Variants in SLIT2 observed in about 807,000 individuals in gnomAD.
SLIT2 encodes slit guidance ligand 2.
A neutral mutation model predicts 185.7 loss-of-function variants in SLIT2; 41 were observed. The ratio of observed to expected loss-of-function variants is 0.22; its 90% confidence interval spans 0.17 to 0.29. The LOEUF (loss-of-function observed/expected upper bound fraction) is 0.29, where lower values mean the gene tolerates loss of function less well. SLIT2 is among the 10% of genes least tolerant of loss of function. The probability of loss-of-function intolerance (pLI) is 1.00; values close to 1 mark genes in which losing one functional copy is unlikely to be tolerated. For missense variants in SLIT2, 1,571 were observed against 1,909.0 expected (o/e 0.82, Z 3.30); for synonymous variants, 693 against 680.2 (o/e 1.02, Z -0.29).
At chr4:20,437,914 C>CAAAAAAAAAAA (rs1224604666) in intron 4 of SLIT2, among the ~76,000 whole-genome samples, 1 of 65,610 alleles carries the variant, frequency 1.5e-5, no homozygotes, top group Non-Finnish European at 2.8e-5. Context: ...GACTCCGTCT[C>CAAAAAAAAAAA]AAAAAAAAAA....
chr4:20,312,878 CT>C (rs1269662509), intron 4 of SLIT2, among the ~76,000 whole-genome samples: 4 of 149,378 alleles, frequency 2.7e-5, no homozygotes, highest in African/African-American at 7.4e-5. Flanking sequence ...AATAGATTTT[CT>C]TGCTCTTATT....
intron 4 of SLIT2, among the ~76,000 whole-genome samples, chr4:20,339,205 A>G (rs939239958): frequency 1.3e-5 from 2 of 152,132 alleles, no homozygotes. Flanking sequence ...TGAAAAGGTA[A>G]TAACCAACTC....
chr4:20,349,030 T>C (rs1304373841), intron 4 of SLIT2, among the ~76,000 whole-genome samples: 1 of 152,192 alleles, frequency 6.6e-6, no homozygotes, highest in Non-Finnish European at 1.5e-5. Flanking sequence ...CTGAGGTGCT[T>C]GGACTGGTAA....
rs536132509 is a variant in SLIT2, at chr4:20,325,156, C to T, written c.395+56275C>T. On this transcript the variant is annotated intron_variant, in intron 4 of 36. Coordinates refer to ENST00000504154, the MANE Select transcript of SLIT2 (RefSeq NM_004787.4). ...TGTCCTTCCTCTGCTTTTTTCTACC[C>T]TCATCTTATCTTTCGCCATATACAA... 4.9e-4 allele frequency among the ~76,000 whole-genome samples: 74 copies of T among 151,678 alleles called. No homozygotes were observed. In the South Asian group the frequency reaches 0.014, roughly 29 times the overall value.
At chr4:20,494,983 G>A (rs1188348830) in intron 9 of SLIT2, among the ~76,000 whole-genome samples, 1 of 152,052 alleles carries the variant, frequency 6.6e-6, no homozygotes, top group Non-Finnish European at 1.5e-5. Context: ...TAATAAGTAA[G>A]GGAGGAAGAG....
intron 4 of SLIT2, among the ~76,000 whole-genome samples, chr4:20,374,584 C>T (rs887266661): frequency 3.9e-5 from 6 of 151,984 alleles, no homozygotes; most frequent in Non-Finnish European, 5.9e-5. Flanking sequence ...TAGCCTACTC[C>T]TTCAACTTTC....
At chr4:20,263,307 G>A (rs1446615194) in intron 3 of SLIT2, among the ~76,000 whole-genome samples, 3 of 141,078 alleles carry the variant, frequency 2.1e-5, no homozygotes, top group Non-Finnish European at 4.9e-5. Context: ...TTGATAATAG[G>A]GCTGTGATTT....
chr4:20,321,566 G>C (rs1577428046), intron 4 of SLIT2, among the ~76,000 whole-genome samples: 1 of 152,160 alleles, frequency 6.6e-6, no homozygotes, highest in Non-Finnish European at 1.5e-5. Flanking sequence ...GCTCAATGAG[G>C]CTGCAGAAAT....
chr4:20,517,165 A>T (rs567329266), intron 11 of SLIT2, among the ~76,000 whole-genome samples: 1 of 152,020 alleles, frequency 6.6e-6, no homozygotes, highest in Non-Finnish European at 1.5e-5. Context: ...ACAATATCAG[A>T]CTCTTTGACT....
At chr4:20,393,866 G>A (rs1176407130) in intron 4 of SLIT2, among the ~76,000 whole-genome samples, 1 of 152,002 alleles carries the variant, frequency 6.6e-6, no homozygotes, top group Non-Finnish European at 1.5e-5. Context: ...TGTGAGCCAC[G>A]TGCATTAACA....
intron 4 of SLIT2, among the ~76,000 whole-genome samples, chr4:20,466,526 A>G (rs2148740819): frequency 6.6e-6 from 1 of 152,272 alleles, no homozygotes; most frequent in Middle Eastern, 3.4e-3. Flanking sequence ...AACATTGAGG[A>G]TATTGAGATA....
At chr4:20,572,604 A>T (rs944109384) in intron 29 of SLIT2, among the ~76,000 whole-genome samples, 30 of 152,088 alleles carry the variant, frequency 2.0e-4, no homozygotes, top group Non-Finnish European at 3.7e-4. Context: ...CTGTTTTTTT[A>T]AAAAATGGAC....
At chr4:20,483,178 C>T (rs902071159) in intron 6 of SLIT2, among the ~76,000 whole-genome samples, 3 of 151,850 alleles carry the variant, frequency 2.0e-5, no homozygotes, top group African/African-American at 4.8e-5. Context: ...ATTCCTTGAG[C>T]CATTTGTGAA....
intron 4 of SLIT2, among the ~76,000 whole-genome samples, chr4:20,312,426 A>G (rs1718192478): frequency 6.6e-6 from 1 of 152,192 alleles, no homozygotes; most frequent in Non-Finnish European, 1.5e-5. Flanking sequence ...AATAATTCAT[A>G]TTGATAAAGT....
chr4:20,503,511 A>T (rs1345650160), intron 9 of SLIT2, among the ~76,000 whole-genome samples: 1 of 152,008 alleles, frequency 6.6e-6, no homozygotes, highest in Non-Finnish European at 1.5e-5. Context: ...AAACATAATG[A>T]TAGTGACATA....
In SLIT2 at chr4:20,603,156, C is replaced by T. The variant is rs555896364; in HGVS notation, c.3692+4761C>T. On this transcript the variant is annotated intron_variant, in intron 33 of 36. Coordinates refer to ENST00000504154, the MANE Select transcript of SLIT2 (RefSeq NM_004787.4). ...GAGGCCTCACAATCATAGCAGAAGG[C>T]GAAAGGAATGTCTTACATGGTGGCA... Among the ~76,000 whole-genome samples, 45 of 152,088 alleles carry T rather than the reference C, an allele frequency of 3.0e-4. 1 individual carries two copies. Among genetic ancestry groups the T allele is most frequent in the South Asian group, 6.2e-4 (3 of 4,810 alleles).
At chr4:20,618,249 G>A (rs1729834387) in intron 36 of SLIT2, among the ~76,000 whole-genome samples, 1 of 152,190 alleles carries the variant, frequency 6.6e-6, no homozygotes, top group Non-Finnish European at 1.5e-5. Flanking sequence ...GTGTGTCCAA[G>A]GGACGAGACA....
At chr4:20,410,650 C>T (rs1038803839) in intron 4 of SLIT2, among the ~76,000 whole-genome samples, 9 of 152,046 alleles carry the variant, frequency 5.9e-5, no homozygotes, top group African/African-American at 2.2e-4. Flanking sequence ...GCCTGCTCTC[C>T]CAGTACCATT....
chr4:20,280,352 G>C (rs1402438821), intron 4 of SLIT2, among the ~76,000 whole-genome samples: 2 of 132,100 alleles, frequency 1.5e-5, no homozygotes, highest in African/African-American at 5.7e-5. Flanking sequence ...AAAAAAAAAA[G>C]AACAACAACA....
Sources: gnomAD v4.1 joint callset for allele counts (sites outside exome capture counted in the v4.1 genomes callset) on GRCh38, gnomAD v4.1.1 for gene constraint, MANE v1.5 for transcripts, NCBI Gene and HGNC (gene_info 2026-07-23, HGNC 2026-07-21) for gene names.